SORCS3: variants seen among roughly 807,000 people sequenced by gnomAD.
SORCS3 encodes the protein VPS10 domain-containing receptor SorCS3.
In SORCS3, 57 loss-of-function variants were observed where a neutral mutation model predicts 146.3. That is an observed-to-expected ratio of 0.39 (90% CI 0.31 to 0.49). SORCS3 has a LOEUF of 0.49. Among genes scored for constraint, SORCS3 ranks in the 20% least tolerant of loss-of-function variants. The pLI, the probability that SORCS3 is intolerant of heterozygous loss-of-function variation, is 0.92. For synonymous variants in SORCS3, 653 were observed against 618.5 expected, an observed-to-expected ratio of 1.06 and a Z score of -0.83; for missense variants, 1,341 against 1,575.5, an observed-to-expected ratio of 0.85 and a Z score of 2.52.
At chr10:105,211,888 A>G (rs1368962977) in intron 17 of SORCS3, among the ~76,000 whole-genome samples, 3 of 152,184 alleles carry the variant, frequency 2.0e-5, no homozygotes, top group African/African-American at 4.8e-5. Context: ...TCAAATGTTA[A>G]TGTGCCTATC....
intron 1 of SORCS3, among the ~76,000 whole-genome samples, chr10:104,666,979 T>C (rs2015786357): frequency 1.3e-5 from 2 of 152,042 alleles, no homozygotes; most frequent in Non-Finnish European, 2.9e-5. Flanking sequence ...TGTGTTCTCA[T>C]GCAGCTTAGT....
At chr10:104,823,285 C>T (rs1476452089) in intron 1 of SORCS3, among the ~76,000 whole-genome samples, 1 of 152,148 alleles carries the variant, frequency 6.6e-6, no homozygotes, top group Non-Finnish European at 1.5e-5. Context: ...GAGGTTTAGG[C>T]CATGGGAACA....
At chr10:105,148,528 T>C (rs904314420) in intron 9 of SORCS3, among the ~76,000 whole-genome samples, 1 of 152,134 alleles carries the variant, frequency 6.6e-6, no homozygotes, top group African/African-American at 2.4e-5. Flanking sequence ...GTGAAGGAAC[T>C]TGACTGACCA....
chr10:105,218,146 G>C (rs576431936), intron 19 of SORCS3, among the ~76,000 whole-genome samples: 1 of 152,110 alleles, frequency 6.6e-6, no homozygotes, highest in African/African-American at 2.4e-5. Flanking sequence ...TCACAATGCC[G>C]GTAAAGGGAC....
intron 1 of SORCS3, among the ~76,000 whole-genome samples, chr10:104,721,034 G>C (rs552287464): frequency 1.3e-5 from 2 of 152,254 alleles, no homozygotes; most frequent in South Asian, 4.1e-4. Flanking sequence ...TGGTGTTATA[G>C]ACATGAAGTC....
chr10:105,074,975 T>C (rs2055579605), intron 5 of SORCS3, among the ~76,000 whole-genome samples: 1 of 152,212 alleles, frequency 6.6e-6, no homozygotes, highest in African/African-American at 2.4e-5. Context: ...AGCACATTTT[T>C]CCCCCTTCTG....
chr10:104,847,803 GTATGGGAGCCATTCTAC>G (rs2018224051), intron 2 of SORCS3, among the ~76,000 whole-genome samples: 1 of 152,146 alleles, frequency 6.6e-6, no homozygotes, highest in South Asian at 2.1e-4. Context: ...CACCCTAGTA[GTATGGGAGCCATTCTAC>G]TATTAGAAAA....
intron 1 of SORCS3, among the ~76,000 whole-genome samples, chr10:104,760,063 C>T (rs1564677191): frequency 6.6e-6 from 1 of 152,188 alleles, no homozygotes; most frequent in Non-Finnish European, 1.5e-5. Context: ...CAAAGATCTG[C>T]AAAAGAAAAT....
chr10:105,085,619 C>G (rs1465338258), intron 5 of SORCS3, among the ~76,000 whole-genome samples: 1 of 152,160 alleles, frequency 6.6e-6, no homozygotes, highest in Non-Finnish European at 1.5e-5. Context: ...TAATTGATAG[C>G]TTAAGCAAAT....
intron 1 of SORCS3, among the ~76,000 whole-genome samples, chr10:104,648,043 A>G (rs974147506): frequency 3.3e-5 from 5 of 152,234 alleles, no homozygotes; most frequent in African/African-American, 1.2e-4. Context: ...CATGCTTTGG[A>G]TGTGAGACTG....
chr10:105,133,837 A>C (rs1225620798), intron 7 of SORCS3, among the ~76,000 whole-genome samples: 2 of 152,128 alleles, frequency 1.3e-5, no homozygotes, highest in Non-Finnish European at 1.5e-5. Flanking sequence ...TTTTGCCTGT[A>C]GTCCCAGCTA....
chr10:104,742,550 C>T (rs2016860678), intron 1 of SORCS3, among the ~76,000 whole-genome samples: 1 of 152,134 alleles, frequency 6.6e-6, no homozygotes, highest in Admixed American at 6.5e-5. Context: ...TAACATGACT[C>T]CAGGAATTTG....
chr10:104,917,609 A>G (rs2019045513), intron 3 of SORCS3, among the ~76,000 whole-genome samples: 1 of 152,206 alleles, frequency 6.6e-6, no homozygotes, highest in South Asian at 2.1e-4. Flanking sequence ...AACTGTAATT[A>G]TGTATTTTTT....
rs78482858 is a variant in SORCS3 at position 105,198,379 on chromosome 10, G to A, written c.2010-1620G>A. Among the ~76,000 whole-genome samples, 1,459 of 152,202 alleles carry A rather than the reference G, an allele frequency of 9.6e-3. 9 individuals carry two copies. Among genetic ancestry groups the A allele is most frequent in the Middle Eastern group, 0.044 (13 of 294 alleles). On this transcript the variant is annotated intron_variant, in intron 14 of 26. Transcript: ENST00000369701. ...AGAGAAAAAAAAGATATCCATCAAG[G>A]TCTCCTCCCACTGTTTTTGTTTGTT...
At chr10:104,877,893 T>C (rs185925256) in intron 2 of SORCS3, among the ~76,000 whole-genome samples, 1 of 152,324 alleles carries the variant, frequency 6.6e-6, no homozygotes, top group African/African-American at 2.4e-5. Context: ...ACTAGTTTTC[T>C]TATGAGGTCT....
At chr10:105,113,937 A>T (rs896500119) in intron 7 of SORCS3, among the ~76,000 whole-genome samples, 2 of 152,168 alleles carry the variant, frequency 1.3e-5, no homozygotes, top group Non-Finnish European at 2.9e-5. Flanking sequence ...AGGGGAAAGC[A>T]GTAAGTTGAT....
chr10:105,178,730 A>G (rs909444245), intron 14 of SORCS3, among the ~76,000 whole-genome samples: 3 of 152,142 alleles, frequency 2.0e-5, no homozygotes, highest in African/African-American at 7.2e-5. Context: ...ACCTGTGTTT[A>G]TGTGTGCACA....
chr10:105,199,773 A>G (rs1342729240), intron 14 of SORCS3, among the ~76,000 whole-genome samples: 2 of 152,176 alleles, frequency 1.3e-5, no homozygotes, highest in East Asian at 1.9e-4. Flanking sequence ...TACTTTTGCA[A>G]TTTAAAAAAT....
intron 1 of SORCS3, among the ~76,000 whole-genome samples, chr10:104,704,217 G>T (rs1394932223): frequency 1.3e-5 from 2 of 150,912 alleles, no homozygotes; most frequent in Non-Finnish European, 2.9e-5. Flanking sequence ...GCCCAGGCTG[G>T]AGTGCAGTGG....
Sources: gnomAD v4.1 joint callset for allele counts (sites outside exome capture counted in the v4.1 genomes callset) on GRCh38, gnomAD v4.1.1 for gene constraint, MANE v1.5 for transcripts, NCBI Gene and HGNC (gene_info 2026-07-23, HGNC 2026-07-21) for gene names.